PCMTD1: variants seen among roughly 807,000 people sequenced by gnomAD.
PCMTD1 encodes protein-L-isoaspartate (D-aspartate) O-methyltransferase domain containing 1, also known as protein-L-isoaspartate O-methyltransferase domain-containing protein 1.
In PCMTD1, 12 loss-of-function variants were observed where a neutral mutation model predicts 37.6. That is an observed-to-expected ratio of 0.32 (90% CI 0.20 to 0.52). The LOEUF (loss-of-function observed/expected upper bound fraction) is 0.52, where lower values mean the gene tolerates loss of function less well. PCMTD1 is among the 20% of genes least tolerant of loss of function. The pLI, the probability that PCMTD1 is intolerant of heterozygous loss-of-function variation, is 0.97. For missense variants in PCMTD1, 235 were observed against 421.3 expected (o/e 0.56, Z 3.87); for synonymous variants, 117 against 135.8 (o/e 0.86, Z 0.96).
At chr8:51,860,083 A>ATAT (rs1406222335) in intron 2 of PCMTD1, among the ~76,000 whole-genome samples, 15 of 152,208 alleles carry the variant, frequency 9.9e-5, no homozygotes, top group Admixed American at 3.3e-4. Flanking sequence ...TCTTCCACCT[A>ATAT]TATTCCATGT....
At chr8:51,834,054 A>C (rs1284007521) in intron 3 of PCMTD1, among the ~76,000 whole-genome samples, 1 of 152,168 alleles carries the variant, frequency 6.6e-6, no homozygotes, top group African/African-American at 2.4e-5. Flanking sequence ...AAAAGGCTTC[A>C]CTTTGCATTG....
chr8:51,847,106 G>A (rs1229958439), intron 2 of PCMTD1, among the ~76,000 whole-genome samples: 3 of 152,068 alleles, frequency 2.0e-5, no homozygotes, highest in Admixed American at 6.6e-5. Context: ...AAACTGGAAC[G>A]TCTGCCCAAA....
intron 3 of PCMTD1, among the ~76,000 whole-genome samples, chr8:51,842,964 T>C (rs1206795879): frequency 6.6e-6 from 1 of 152,154 alleles, no homozygotes; most frequent in African/African-American, 2.4e-5. Context: ...TGTTAACATA[T>C]ATTTTGATGA....
intron 1 of PCMTD1, among the ~76,000 whole-genome samples, chr8:51,891,158 A>G (rs1204583176): frequency 1.3e-5 from 2 of 152,252 alleles, no homozygotes; most frequent in Non-Finnish European, 2.9e-5. Flanking sequence ...TTGACCAAAG[A>G]GAATCGCAGG....
At chr8:51,847,033 G>A (rs2038232221) in intron 2 of PCMTD1, among the ~76,000 whole-genome samples, 1 of 152,136 alleles carries the variant, frequency 6.6e-6, no homozygotes, top group Non-Finnish European at 1.5e-5. Flanking sequence ...AAATTGTCCT[G>A]GTTAAAGCAA....
At position 51,898,823 on chromosome 8, in the gene PCMTD1, TC is replaced by T; in HGVS notation, c.-96+106del. The T allele has an allele frequency of 4.7e-6, 5 of 1,060,800 alleles. No individual in the cohort carries two copies. In the South Asian group the frequency reaches 2.2e-4, roughly 47 times the overall value. The allele number at this position is 1,060,800 out of a possible 1,614,324, so 65.7% of individuals were successfully genotyped here. A position where few individuals can be genotyped will look rare whatever the true frequency, so the allele number is the denominator to read the frequency against. ...CCTGCCCCCGACTCTTCGGCTGCCGTCCCCCTGGCCCTCTGGCCTCCAAGCG... is the reference window on the plus strand; with the variant it reads ...CCTGCCCCCGACTCTTCGGCTGCCGTCCCCTGGCCCTCTGGCCTCCAAGCG... On this transcript the variant is annotated intron_variant, in intron 1 of 5. Coordinates refer to ENST00000522514, the MANE Select transcript of PCMTD1 (RefSeq NM_052937.4).
chr8:51,861,714 G>GT (rs35473494), intron 1 of PCMTD1, among the ~76,000 whole-genome samples: 17,629 of 147,770 alleles, frequency 0.12, 1,263 homozygotes, highest in East Asian at 0.17. Flanking sequence ...CAGAAACCAT[G>GT]TTTTTTTTTT....
intron 2 of PCMTD1, among the ~76,000 whole-genome samples, chr8:51,856,072 ATTCT>A (rs938311777): frequency 3.3e-5 from 5 of 152,236 alleles, no homozygotes; most frequent in Non-Finnish European, 5.9e-5. Flanking sequence ...AATAAAGAAC[ATTCT>A]TTAAGAGGCA....
Position 51,820,483 on chromosome 8 carries a change from T to G in PCMTD1, c.942A>C (p.Glu314Asp). ...EDEKMEEDNK[E>D]EEEKDHNEAM... ...CTTCATTGTGATCTTTTTCCTCCTC[T>G]TCTTTGTTATCCTCTTCCATTTTTT... is the stretch of plus-strand genomic sequence containing the variant. Residue 314 changes from glutamate (E) to aspartate (D), a missense_variant, in exon 6 of 6, where the codon GAA becomes GAC. Glu to Asp is a conservative substitution (Grantham distance 45, BLOSUM62 2). This residue lies in a region of PCMTD1 where 41 missense variants were observed against 36.4 expected (regional missense o/e 1.13). Coordinates refer to ENST00000522514, the MANE Select transcript of PCMTD1 (RefSeq NM_052937.4). 1 of 1,613,982 alleles carries G rather than the reference T, an allele frequency of 6.2e-7. No individual in the cohort carries two copies. The highest frequency in any genetic ancestry group is 8.5e-7 in the Non-Finnish European group (1 of 1,179,978).
At position 51,836,459 on chromosome 8, in the gene PCMTD1, A is replaced by T. The variant is rs556239930; in HGVS notation, c.411-2770T>A. ...TTGCTTCTAATACTTTCTTATCACA[A>T]TCTTCCCTTTGAAACATTTTTAAAA... is the stretch of plus-strand genomic sequence containing the variant. On this transcript the variant is annotated intron_variant, in intron 3 of 5. Coordinates refer to ENST00000522514, the MANE Select transcript of PCMTD1 (RefSeq NM_052937.4). Among the ~76,000 whole-genome samples, 4 of 147,280 alleles carry T rather than the reference A, an allele frequency of 2.7e-5. No homozygotes were observed. The East Asian group carries it at 5.9e-4, about 22-fold the overall frequency.
intron 1 of PCMTD1, among the ~76,000 whole-genome samples, chr8:51,866,144 G>GA (rs559188949): frequency 9.9e-4 from 149 of 151,024 alleles, no homozygotes; most frequent in African/African-American, 3.0e-3. Flanking sequence ...ATTAAATATT[G>GA]AAAAAAAATG....
chr8:51,855,466 C>T (rs532665714), intron 2 of PCMTD1, among the ~76,000 whole-genome samples: 35 of 147,838 alleles, frequency 2.4e-4, no homozygotes, highest in Non-Finnish European at 3.9e-4. Flanking sequence ...CTGGGAGGCA[C>T]AGGCTGCAGT....
intron 2 of PCMTD1, among the ~76,000 whole-genome samples, chr8:51,858,666 C>A (rs1156935600): frequency 1.3e-5 from 2 of 152,156 alleles, no homozygotes; most frequent in Non-Finnish European, 1.5e-5. Flanking sequence ...ACTGTTGTTT[C>A]TGCTTCTCCT....
chr8:51,868,399 C>T (rs2038590568), intron 1 of PCMTD1, among the ~76,000 whole-genome samples: 1 of 152,050 alleles, frequency 6.6e-6, no homozygotes, highest in African/African-American at 2.4e-5. Flanking sequence ...ATTAAATACC[C>T]TACAAAATGG....
intron 1 of PCMTD1, among the ~76,000 whole-genome samples, chr8:51,882,812 C>A: frequency 8.5e-6 from 1 of 117,214 alleles, no homozygotes; most frequent in Non-Finnish European, 1.8e-5. Flanking sequence ...TTATGAATAG[C>A]ATACTTAAAA....
At chr8:51,876,275 G>A (rs1255219168) in intron 1 of PCMTD1, among the ~76,000 whole-genome samples, 1 of 152,228 alleles carries the variant, frequency 6.6e-6, no homozygotes, top group East Asian at 1.9e-4. Context: ...GTTTCTGAGG[G>A]AAAACAAAGC....
At chr8:51,892,660 T>C (rs2038952147) in intron 1 of PCMTD1, among the ~76,000 whole-genome samples, 1 of 152,230 alleles carries the variant, frequency 6.6e-6, no homozygotes, top group Non-Finnish European at 1.5e-5. Context: ...ATAATTGAAA[T>C]ACAATCTATA....
chr8:51,837,169 T>C (rs1388624918), intron 3 of PCMTD1, among the ~76,000 whole-genome samples: 1 of 152,126 alleles, frequency 6.6e-6, no homozygotes, highest in African/African-American at 2.4e-5. Flanking sequence ...ACTACTTCTA[T>C]CTAAGGGAAA....
chr8:51,876,191 C>T (rs577004098), intron 1 of PCMTD1, among the ~76,000 whole-genome samples: 1 of 152,178 alleles, frequency 6.6e-6, no homozygotes, highest in East Asian at 1.9e-4. Context: ...GATTTTTGTA[C>T]AGTTACTAAA....
Sources: allele counts gnomAD v4.1 joint callset (sites outside exome capture counted in the v4.1 genomes callset), GRCh38; gene constraint gnomAD v4.1.1; regional missense constraint gnomAD v4.1.1; transcripts MANE v1.5; gene names NCBI Gene and HGNC (gene_info 2026-07-23, HGNC 2026-07-21).